PCDH9: variants seen among roughly 807,000 people sequenced by gnomAD.
PCDH9 encodes protocadherin 9.
Under a neutral mutation model 70.6 loss-of-function variants are expected in PCDH9, and 24 were observed. The observed-to-expected ratio is 0.34, with a 90% confidence interval of 0.25 to 0.48. The LOEUF (loss-of-function observed/expected upper bound fraction) is 0.48, where lower values mean the gene tolerates loss of function less well. Ranked by LOEUF, PCDH9 falls within the 20% of genes least tolerant of loss-of-function variation. The pLI is 0.99. For missense variants in PCDH9, 1,281 were observed against 1,503.6 expected (o/e 0.85, Z 2.45); for synonymous variants, 562 against 558.5 (o/e 1.01, Z -0.09).
intron 4 of PCDH9, among the ~76,000 whole-genome samples, chr13:66,616,246 G>A (rs1413910134): frequency 6.6e-6 from 1 of 152,166 alleles, no homozygotes; most frequent in Non-Finnish European, 1.5e-5. Flanking sequence ...TCCACTTTAT[G>A]TGTTCTTATC....
intron 2 of PCDH9, among the ~76,000 whole-genome samples, chr13:66,958,650 T>G (rs1233022587): frequency 1.3e-5 from 2 of 152,210 alleles, no homozygotes; most frequent in Non-Finnish European, 2.9e-5. Context: ...TATTCATTGA[T>G]GTAATTTTTT....
chr13:66,998,800 T>C (rs1010181238), intron 2 of PCDH9, among the ~76,000 whole-genome samples: 45 of 152,340 alleles, frequency 3.0e-4, no homozygotes, highest in African/African-American at 1.1e-3. Context: ...ATTCTAATTG[T>C]TCTTCTTTCC....
chr13:66,394,903 A>G (rs1231281845), intron 4 of PCDH9, among the ~76,000 whole-genome samples: 1 of 152,198 alleles, frequency 6.6e-6, no homozygotes, highest in Non-Finnish European at 1.5e-5. Flanking sequence ...ACTGAATGAA[A>G]ACAAATTATT....
At chr13:66,386,461 T>C (rs1170648497) in intron 4 of PCDH9, among the ~76,000 whole-genome samples, 1 of 152,182 alleles carries the variant, frequency 6.6e-6, no homozygotes, top group African/African-American at 2.4e-5. Context: ...GGTGGATGAA[T>C]GTTTTTTATT....
chr13:66,805,186 T>C (rs777127610), intron 3 of PCDH9, among the ~76,000 whole-genome samples: 5 of 152,178 alleles, frequency 3.3e-5, no homozygotes, highest in African/African-American at 4.8e-5. Flanking sequence ...ATAAAGTAAA[T>C]AGTTTGAAAA....
intron 2 of PCDH9, among the ~76,000 whole-genome samples, chr13:67,040,536 G>A (rs2085091592): frequency 6.6e-6 from 1 of 152,144 alleles, no homozygotes; most frequent in South Asian, 2.1e-4. Context: ...AAACCTGCAA[G>A]AGGGCCCTCA....
chr13:67,023,680 C>T (rs1036621339), intron 2 of PCDH9, among the ~76,000 whole-genome samples: 10 of 152,156 alleles, frequency 6.6e-5, no homozygotes, highest in Middle Eastern at 3.4e-3. Context: ...TCAGCCTTTC[C>T]GAAGCTCCTG....
intron 3 of PCDH9, among the ~76,000 whole-genome samples, chr13:66,749,594 AT>A (rs1290876279): frequency 2.6e-5 from 4 of 152,106 alleles, no homozygotes; most frequent in Admixed American, 1.3e-4. Flanking sequence ...GCCATAGAAA[AT>A]TTTCTTTCCC....
intron 2 of PCDH9, among the ~76,000 whole-genome samples, chr13:67,003,156 T>TA (rs1245334355): frequency 6.6e-6 from 1 of 152,148 alleles, no homozygotes; most frequent in Non-Finnish European, 1.5e-5. Flanking sequence ...ATTGTAATTG[T>TA]ATACACATAT....
intron 2 of PCDH9, chr13:67,223,882 A>G (rs1593649205): frequency 2.0e-5 from 3 of 152,284 alleles, no homozygotes; most frequent in East Asian, 3.9e-4. Context: ...TTTTAGTTGT[A>G]TGGTAATATG....
chr13:67,226,501 G>A lies in PCDH9; in HGVS notation c.1940C>T (p.Ala647Val). ...QQSSYTFDVK[A>V]TDGGQPPRSS... ...ACGAGGTGGTTGTCCTCCATCAGTG[G>A]CTTTGACATCAAAAGTGTAGGAACT... Residue 647 changes from alanine (A) to valine (V), a missense_variant, in exon 2 of 5, where the codon GCC (alanine) becomes GTC (valine). By Grantham distance (64) the Ala-to-Val change is moderately conservative. Transcript: ENST00000377865. This position sits in a 1 kb window ranked among gnomAD's most constrained non-coding sequence, Gnocchi z 5.0. 1 of 1,614,060 alleles carries A rather than the reference G, an allele frequency of 6.2e-7. No homozygotes were observed. Among genetic ancestry groups the A allele is most frequent in the Non-Finnish European group, 8.5e-7 (1 of 1,179,948 alleles).
chr13:66,831,368 A>T (rs983992882), intron 3 of PCDH9, among the ~76,000 whole-genome samples: 7 of 152,300 alleles, frequency 4.6e-5, no homozygotes, highest in Admixed American at 4.6e-4. Flanking sequence ...CTAGAAATTA[A>T]GCTGCAATAA....
At chr13:66,635,566 AC>A (rs2077626661) in intron 3 of PCDH9, among the ~76,000 whole-genome samples, 1 of 152,070 alleles carries the variant, frequency 6.6e-6, no homozygotes, top group Non-Finnish European at 1.5e-5. Context: ...CCTCTACAAT[AC>A]TTTTTTCTTG....
At chr13:66,561,902 C>A (rs374190358) in intron 4 of PCDH9, among the ~76,000 whole-genome samples, 1 of 152,050 alleles carries the variant, frequency 6.6e-6, no homozygotes, top group South Asian at 2.1e-4. Flanking sequence ...TTTGTTCTTT[C>A]GCTCTTGGCA....
intron 2 of PCDH9, among the ~76,000 whole-genome samples, chr13:67,187,747 G>T (rs531966703): frequency 1.3e-5 from 2 of 152,050 alleles, no homozygotes; most frequent in South Asian, 4.1e-4. Context: ...AGGACAAAGT[G>T]AATTTTTTTA....
At position 66,304,141 on chromosome 13, in the gene PCDH9, CTGAT is replaced by C. The variant is rs1430999384; in HGVS notation, c.*510_*513del. ...GCTTCTATTTACAAATACTTTAACA[CTGAT>C]TGACTTACAAGTGTCCACTAACGTT... On this transcript the variant is annotated 3_prime_UTR_variant, in exon 5 of 5. Transcript: ENST00000377865. 1.3e-5 allele frequency: 2 copies of C among 152,318 alleles called. No homozygotes were observed. Among genetic ancestry groups the C allele is most frequent in the Non-Finnish European group, 2.9e-5 (2 of 68,294 alleles). 9.4% of individuals were successfully genotyped at this position (152,318 alleles called of 1,614,324 possible).
At chr13:66,384,757 C>T (rs763224322) in intron 4 of PCDH9, among the ~76,000 whole-genome samples, 14 of 152,122 alleles carry the variant, frequency 9.2e-5, no homozygotes, top group African/African-American at 7.2e-5. Context: ...CTCCACCTCT[C>T]GGGCACCGGT....
chr13:67,099,704 T>C (rs2086392916), intron 2 of PCDH9, among the ~76,000 whole-genome samples: 1 of 152,066 alleles, frequency 6.6e-6, no homozygotes. Context: ...GAGCAGAACT[T>C]GATATGAGAG....
In PCDH9 at chr13:66,599,218, G is replaced by A. The variant is rs1318456512; in HGVS notation, c.3340+31992C>T. Reference sequence around the variant, plus strand: ...TGAGCTGTATATTTTACTACTTCATGTAGTTGTGAAATACAATTGCATGAG... The same window carrying A: ...TGAGCTGTATATTTTACTACTTCATATAGTTGTGAAATACAATTGCATGAG... On this transcript the variant is annotated intron_variant, in intron 4 of 4. Coordinates refer to ENST00000377865, the MANE Select transcript of PCDH9 (RefSeq NM_203487.3). Among the ~76,000 whole-genome samples the A allele has an allele frequency of 2.6e-5, 4 of 151,628 alleles. No individual in the cohort carries two copies. In the East Asian group the frequency reaches 7.8e-4, roughly 29 times the overall value.
Sources: gnomAD v4.1 joint callset for allele counts (sites outside exome capture counted in the v4.1 genomes callset) on GRCh38, gnomAD v4.1.1 for gene constraint, Gnocchi (gnomAD v3.1) non-coding constraint, MANE v1.5 for transcripts, NCBI Gene and HGNC (gene_info 2026-07-23, HGNC 2026-07-21) for gene names.